LPP: variants seen among roughly 807,000 people sequenced by gnomAD.
LPP encodes the protein LIM domain containing preferred translocation partner in lipoma, also known as lipoma-preferred partner.
Under a neutral mutation model 60.4 loss-of-function variants are expected in LPP, and 38 were observed. That is an observed-to-expected ratio of 0.63 (90% confidence interval 0.49 to 0.83). The LOEUF (loss-of-function observed/expected upper bound fraction) is 0.83, where lower values mean the gene tolerates loss of function less well. Ranked by LOEUF, LPP falls within the 40% of genes least tolerant of loss-of-function variation. LPP has a pLI of 0.00. For synonymous variants in LPP, 328 were observed against 290.8 expected (o/e 1.13, Z -1.30); for missense variants, 902 against 783.6 (o/e 1.15, Z -1.80).
At chr3:188,452,824 G>T (rs546224406) in intron 4 of LPP, among the ~76,000 whole-genome samples, 44 of 152,288 alleles carry the variant, frequency 2.9e-4, no homozygotes, top group Non-Finnish European at 6.0e-4. Flanking sequence ...GAGTTATTCT[G>T]TATCCTGTGA....
intron 7 of LPP, among the ~76,000 whole-genome samples, chr3:188,690,095 C>G (rs1455082356): frequency 6.6e-6 from 1 of 152,104 alleles, no homozygotes; most frequent in African/African-American, 2.4e-5. Context: ...CATAATGCTC[C>G]CAAAGGTCAT....
chr3:188,360,440 T>A (rs1768936765), intron 3 of LPP, among the ~76,000 whole-genome samples: 1 of 152,184 alleles, frequency 6.6e-6, no homozygotes, highest in Non-Finnish European at 1.5e-5. Flanking sequence ...TCTTTTCTTC[T>A]TCTCTTCCTC....
chr3:188,287,706 T>C (rs1744439412), intron 2 of LPP, among the ~76,000 whole-genome samples: 1 of 152,250 alleles, frequency 6.6e-6, no homozygotes, highest in Non-Finnish European at 1.5e-5. Flanking sequence ...AGTTCTTTTT[T>C]TCTCTGGCAA....
chr3:188,165,029 T>A lies in LPP; in HGVS notation c.-190+10777T>A, dbSNP rs184998606. On this transcript the variant is annotated intron_variant, in intron 1 of 11. Coordinates refer to ENST00000617246, the MANE Select transcript of LPP (RefSeq NM_001375462.1). ...AGCTCACATTGTAATCCCGGTACTTTGGGAGGCCGAGGCAGGAGGATCACT... is the reference window on the plus strand; with the variant it reads ...AGCTCACATTGTAATCCCGGTACTTAGGGAGGCCGAGGCAGGAGGATCACT... Among the ~76,000 whole-genome samples, 657 of 152,112 alleles carry A rather than the reference T, an allele frequency of 4.3e-3. 7 individuals carry two copies. Among genetic ancestry groups the A allele is most frequent in the South Asian group, 0.017 (84 of 4,818 alleles).
Position 188,886,253 on chromosome 3 carries a change from T to A in LPP, c.*11774T>A, listed in dbSNP as rs1770649430. 6.4e-6 allele frequency: 1 copy of A among 155,310 alleles called. No homozygotes were observed. Among genetic ancestry groups the A allele is most frequent in the East Asian group, 1.7e-4 (1 of 5,968 alleles). 9.6% of individuals were successfully genotyped at this position (155,310 alleles called of 1,614,324 possible). ...CCAGCATGGCACATGTATACATATG[T>A]AACTAACCTGCACATTGTGCACATG... On this transcript the variant is annotated 3_prime_UTR_variant, in exon 12 of 12. Transcript: ENST00000617246.
chr3:188,870,136 A>G (rs888015247), intron 10 of LPP, among the ~76,000 whole-genome samples: 3 of 151,956 alleles, frequency 2.0e-5, no homozygotes, highest in Non-Finnish European at 4.4e-5. Flanking sequence ...AGAAATATAC[A>G]TATGTGTGTG....
chr3:188,418,815 A>ACC (rs1787022818), intron 4 of LPP, among the ~76,000 whole-genome samples: 1 of 152,196 alleles, frequency 6.6e-6, no homozygotes, highest in African/African-American at 2.4e-5. Flanking sequence ...CCTTTGGAAT[A>ACC]ACCATTTGGA....
At chr3:188,239,249 A>G (rs892420860) in intron 2 of LPP, among the ~76,000 whole-genome samples, 3 of 152,202 alleles carry the variant, frequency 2.0e-5, no homozygotes, top group African/African-American at 7.2e-5. Flanking sequence ...CGTAAGCCTA[A>G]TCACCCATTC....
chr3:188,658,090 C>T (rs1210799321), intron 7 of LPP, among the ~76,000 whole-genome samples: 1 of 50,520 alleles, frequency 2.0e-5, no homozygotes, highest in Non-Finnish European at 4.3e-5. Flanking sequence ...GTTTTTGAAA[C>T]ATTTGAAGAA....
intron 4 of LPP, among the ~76,000 whole-genome samples, chr3:188,441,026 ATGTGTG>A (rs10671285): frequency 1.4e-5 from 2 of 146,352 alleles, no homozygotes; most frequent in East Asian, 2.0e-4. Flanking sequence ...CTCCCTTAAT[ATGTGTG>A]TGTGTGTGTG....
chr3:188,740,904 T>C (rs1240344263), intron 8 of LPP, among the ~76,000 whole-genome samples: 1 of 152,028 alleles, frequency 6.6e-6, no homozygotes, highest in Non-Finnish European at 1.5e-5. Flanking sequence ...CCTGTGCCTA[T>C]TCTCAGTTTC....
chr3:188,172,710 A>G (rs1376637664), intron 1 of LPP, among the ~76,000 whole-genome samples: 3 of 152,198 alleles, frequency 2.0e-5, no homozygotes, highest in Non-Finnish European at 4.4e-5. Flanking sequence ...AACGTTTGTC[A>G]AAACTAAGAA....
chr3:188,635,581 G>A (rs1364971523), intron 7 of LPP, among the ~76,000 whole-genome samples: 4 of 152,138 alleles, frequency 2.6e-5, no homozygotes, highest in South Asian at 2.1e-4. Flanking sequence ...TCCATTTCTC[G>A]TGTTTTGAGG....
intron 4 of LPP, among the ~76,000 whole-genome samples, chr3:188,468,034 A>G (rs1800904805): frequency 1.3e-5 from 2 of 152,164 alleles, no homozygotes; most frequent in Non-Finnish European, 2.9e-5. Flanking sequence ...TTTCTAGGCA[A>G]TGAATTCCTC....
chr3:188,326,746 G>A (rs1758531407), intron 2 of LPP, among the ~76,000 whole-genome samples: 1 of 152,116 alleles, frequency 6.6e-6, no homozygotes, highest in African/African-American at 2.4e-5. Context: ...TTGTAGGTAT[G>A]TACCTGTCTG....
intron 9 of LPP, among the ~76,000 whole-genome samples, chr3:188,801,059 C>T (rs1308062343): frequency 6.6e-6 from 1 of 152,150 alleles, no homozygotes; most frequent in African/African-American, 2.4e-5. Flanking sequence ...CGAACTCACA[C>T]ACACACTGAT....
intron 9 of LPP, among the ~76,000 whole-genome samples, chr3:188,864,757 G>A (rs9881635): frequency 0.31 from 47,415 of 152,140 alleles, 8,911 homozygotes; most frequent in East Asian, 0.84. Flanking sequence ...ACCATAAAGG[G>A]GGGTTGGATA....
At chr3:188,267,463 A>C (rs1735985899) in intron 2 of LPP, among the ~76,000 whole-genome samples, 1 of 152,182 alleles carries the variant, frequency 6.6e-6, no homozygotes, top group Admixed American at 6.5e-5. Context: ...GGGATGTCAA[A>C]TCTCAATATG....
In LPP at chr3:188,182,904, G is replaced by T. The variant is rs1312477210; in HGVS notation, c.-190+28652G>T. 6.6e-6 allele frequency among the ~76,000 whole-genome samples: 1 copy of T among 152,098 alleles called. No individual in the cohort carries two copies. The highest frequency in any genetic ancestry group is 1.5e-5 in the Non-Finnish European group (1 of 68,012). The stretch of plus-strand genomic sequence containing the variant: ...ATCTCTGAGAAGTAGACCTGGTCAA[G>T]AGTACTTAGAGAAAATTCCCTCAGT... On this transcript the variant is annotated intron_variant, in intron 1 of 11. Coordinates refer to ENST00000617246, the MANE Select transcript of LPP (RefSeq NM_001375462.1). This position sits in a 1 kb window ranked among gnomAD's most constrained non-coding sequence, Gnocchi z 4.4.
Sources: gnomAD v4.1 joint callset for allele counts (sites outside exome capture counted in the v4.1 genomes callset) on GRCh38, gnomAD v4.1.1 for gene constraint, Gnocchi (gnomAD v3.1) non-coding constraint, MANE v1.5 for transcripts, NCBI Gene and HGNC (gene_info 2026-07-23, HGNC 2026-07-21) for gene names.